Variants in VAV3 observed in about 807,000 individuals in gnomAD.
VAV3 encodes vav guanine nucleotide exchange factor 3, also known as guanine nucleotide exchange factor VAV3.
Under a neutral mutation model 131.2 loss-of-function variants are expected in VAV3, and 94 were observed. The observed-to-expected ratio is 0.72, with a 90% CI of 0.61 to 0.85. The LOEUF is 0.85. Among genes scored for constraint, VAV3 ranks in the 40% least tolerant of loss-of-function variants. VAV3 has a pLI of 0.00. For synonymous variants in VAV3, 349 were observed against 342.0 expected (o/e 1.02, Z -0.22); for missense variants, 939 against 1,002.7 (o/e 0.94, Z 0.86).
intron 20 of VAV3, among the ~76,000 whole-genome samples, chr1:107,629,446 G>A (rs957032946): frequency 6.6e-6 from 1 of 152,168 alleles, no homozygotes; most frequent in Admixed American, 6.6e-5. Flanking sequence ...AAAGCAACAT[G>A]TTTATCATCA....
intron 1 of VAV3, among the ~76,000 whole-genome samples, chr1:107,911,562 A>G (rs1386042727): frequency 6.6e-6 from 1 of 152,238 alleles, no homozygotes; most frequent in Non-Finnish European, 1.5e-5. Flanking sequence ...AGACAGATAA[A>G]TAAAACATAA....
At chr1:107,725,886 T>C (rs1014543434) in intron 15 of VAV3, among the ~76,000 whole-genome samples, 1 of 152,150 alleles carries the variant, frequency 6.6e-6, no homozygotes, top group Non-Finnish European at 1.5e-5. Flanking sequence ...GCAGTCACAG[T>C]AGAATGTTTT....
intron 25 of VAV3, among the ~76,000 whole-genome samples, chr1:107,593,851 A>T (rs1328198): frequency 1.3e-5 from 2 of 152,086 alleles, no homozygotes; most frequent in East Asian, 3.9e-4. Context: ...ATAGGAAAGT[A>T]CTGTGTTAGA....
At chr1:107,810,540 T>C (rs898527168) in intron 2 of VAV3, among the ~76,000 whole-genome samples, 7 of 152,216 alleles carry the variant, frequency 4.6e-5, no homozygotes, top group African/African-American at 1.4e-4. Context: ...CACAAAAATT[T>C]ATAAAACATC....
chr1:107,690,613 T>C (rs114250252), intron 17 of VAV3, among the ~76,000 whole-genome samples: 2,385 of 152,308 alleles, frequency 0.016, 63 homozygotes, highest in African/African-American at 0.055. Context: ...CATTGTCTCC[T>C]GCTTCCTTCC....
intron 12 of VAV3, among the ~76,000 whole-genome samples, chr1:107,755,219 T>A (rs1664030478): frequency 6.6e-6 from 1 of 151,946 alleles, no homozygotes; most frequent in African/African-American, 2.4e-5. Context: ...GTGACTAAGG[T>A]AAGAGGGACA....
intron 1 of VAV3, among the ~76,000 whole-genome samples, chr1:107,914,119 T>C (rs1672501524): frequency 1.3e-5 from 2 of 152,228 alleles, no homozygotes; most frequent in Non-Finnish European, 2.9e-5. Context: ...AATGTCTTAT[T>C]GTTTATATAC....
intron 15 of VAV3, among the ~76,000 whole-genome samples, chr1:107,729,200 C>G (rs987527990): frequency 7.2e-5 from 11 of 152,058 alleles, no homozygotes; most frequent in African/African-American, 2.4e-4. Context: ...TTTAAAATGC[C>G]AGTGTTCAAT....
At chr1:107,577,376 G>A (rs1649733602) in intron 25 of VAV3, among the ~76,000 whole-genome samples, 1 of 152,188 alleles carries the variant, frequency 6.6e-6, no homozygotes, top group Non-Finnish European at 1.5e-5. Context: ...CTGATACTAT[G>A]GTGCCACTGC....
In VAV3 at chr1:107,875,000, G is replaced by A. The variant is rs749620538; in HGVS notation, c.222C>T (p.Asn74=). ...PQMSQFLCLK[N]IRTFLTACCE... ...AACAGGCCGTGAGAAATGTCCTTAT[G>A]TTCTTCAAACAGAGAAACTGAGGAA... is the stretch of plus-strand genomic sequence containing the variant. Residue 74 remains asparagine, a synonymous_variant, in exon 2 of 27, where the codon AAC becomes AAT. Transcript: ENST00000370056. The A allele has an allele frequency of 1.2e-6, 2 of 1,613,068 alleles. No individual in the cohort carries two copies. Among genetic ancestry groups the A allele is most frequent in the Non-Finnish European group, 1.7e-6 (2 of 1,179,328 alleles).
intron 21 of VAV3, among the ~76,000 whole-genome samples, chr1:107,610,398 T>C (rs1652639842): frequency 6.6e-6 from 1 of 151,978 alleles, no homozygotes; most frequent in Non-Finnish European, 1.5e-5. Flanking sequence ...AATATTTTAT[T>C]ATTTATTATC....
At chr1:107,959,761 C>A (rs1336535860) in intron 1 of VAV3, among the ~76,000 whole-genome samples, 4 of 152,152 alleles carry the variant, frequency 2.6e-5, no homozygotes, top group Non-Finnish European at 5.9e-5. Flanking sequence ...ATACCTACAT[C>A]TCCAACTCCT....
intron 1 of VAV3, among the ~76,000 whole-genome samples, chr1:107,925,002 T>G (rs984574617): frequency 6.6e-6 from 1 of 152,128 alleles, no homozygotes; most frequent in Non-Finnish European, 1.5e-5. Context: ...ATACTAAAAC[T>G]TGGAAGCAGA....
At chr1:107,824,462 C>T (rs143206981) in intron 2 of VAV3, among the ~76,000 whole-genome samples, 17 of 152,212 alleles carry the variant, frequency 1.1e-4, no homozygotes, top group African/African-American at 4.1e-4. Context: ...ATTTTCAGAA[C>T]CAATGTACAA....
At chr1:107,709,790 C>T (rs1329861102) in intron 15 of VAV3, among the ~76,000 whole-genome samples, 7 of 152,150 alleles carry the variant, frequency 4.6e-5, no homozygotes, top group African/African-American at 1.7e-4. Flanking sequence ...TGAGAAAGGA[C>T]GTGTTTGTCT....
chr1:107,619,172 T>C lies in VAV3; in HGVS notation c.1915-1540A>G, dbSNP rs79643511. On this transcript the variant is annotated intron_variant, in intron 20 of 26. Coordinates refer to ENST00000370056, the MANE Select transcript of VAV3 (RefSeq NM_006113.5). ...ATGGAGGTAGGAGGTGACTAGAGAA[T>C]CCATCCATACAACACAGACTTAGAT... 7.2e-5 allele frequency among the ~76,000 whole-genome samples: 11 copies of C among 152,100 alleles called. No individual in the cohort carries two copies. In the East Asian group the frequency reaches 1.9e-3, roughly 27 times the overall value.
intron 1 of VAV3, among the ~76,000 whole-genome samples, chr1:107,941,725 G>C (rs1571169890): frequency 6.6e-6 from 1 of 152,214 alleles, no homozygotes; most frequent in Middle Eastern, 3.4e-3. Context: ...CCTCTTTAGA[G>C]CTATCACTGT....
rs2101434526 is a variant in VAV3 at position 107,964,891 on chromosome 1, G to C, written c.-22C>G. ...CCATGCCCGACGGCTCCGGGACGCGGCTGGGCCGGGGCGGGCGGCAAGGAT... is the reference window on the plus strand; with the variant it reads ...CCATGCCCGACGGCTCCGGGACGCGCCTGGGCCGGGGCGGGCGGCAAGGAT... On this transcript the variant is annotated 5_prime_UTR_variant, in exon 1 of 27. Coordinates refer to ENST00000370056, the MANE Select transcript of VAV3 (RefSeq NM_006113.5). The C allele has an allele frequency of 7.0e-7, 1 of 1,427,858 alleles. No individual in the cohort carries two copies. Among genetic ancestry groups the C allele is most frequent in the Non-Finnish European group, 9.3e-7 (1 of 1,077,044 alleles). 88.4% of individuals were successfully genotyped at this position (1,427,858 alleles called of 1,614,324 possible).
chr1:107,801,891 C>T (rs1409274590), intron 2 of VAV3, among the ~76,000 whole-genome samples: 5 of 151,950 alleles, frequency 3.3e-5, no homozygotes, highest in Non-Finnish European at 5.9e-5. Flanking sequence ...GAATATCTTT[C>T]CTTTTTTTGG....
Sources: allele counts gnomAD v4.1 joint callset (sites outside exome capture counted in the v4.1 genomes callset), GRCh38; gene constraint gnomAD v4.1.1; transcripts MANE v1.5; gene names NCBI Gene and HGNC (gene_info 2026-07-23, HGNC 2026-07-21).